Variants in PEX14 observed in about 807,000 individuals in gnomAD.
PEX14 encodes peroxisomal membrane protein PEX14.
A neutral mutation model predicts 49.5 loss-of-function variants in PEX14; 15 were observed. That is an observed-to-expected ratio of 0.30 (90% confidence interval 0.20 to 0.47). The LOEUF (loss-of-function observed/expected upper bound fraction) is 0.47, where lower values mean the gene tolerates loss of function less well. Among genes scored for constraint, PEX14 ranks in the 20% least tolerant of loss-of-function variants. The pLI is 1.00. For missense variants in PEX14, 398 were observed against 494.8 expected, an observed-to-expected ratio of 0.80 and a Z score of 1.86; for synonymous variants, 210 against 212.7, an observed-to-expected ratio of 0.99 and a Z score of 0.11.
chr1:10,555,666 T>TGTGTGTGC (rs1022485382), intron 3 of PEX14, among the ~76,000 whole-genome samples: 9 of 151,436 alleles, frequency 5.9e-5, no homozygotes, highest in African/African-American at 2.2e-4. Context: ...TGTGTGTGTG[T>TGTGTGTGC]GCATGCACCC....
At chr1:10,595,077 G>A (rs1296691526) in intron 3 of PEX14, among the ~76,000 whole-genome samples, 1 of 152,050 alleles carries the variant, frequency 6.6e-6, no homozygotes, top group Non-Finnish European at 1.5e-5. Context: ...GCTTGGCCCA[G>A]CTCCTACACA....
intron 1 of PEX14, among the ~76,000 whole-genome samples, chr1:10,478,941 C>T (rs911576067): frequency 8.6e-5 from 13 of 151,662 alleles, no homozygotes; most frequent in Admixed American, 2.6e-4. Flanking sequence ...TTAGTAGAGA[C>T]GATGTTTCAC....
intron 4 of PEX14, among the ~76,000 whole-genome samples, chr1:10,609,812 G>A (rs1192974372): frequency 6.6e-6 from 1 of 152,076 alleles, no homozygotes; most frequent in Non-Finnish European, 1.5e-5. Context: ...ATGAACCCGG[G>A]AGGCGGAGGT....
Position 10,529,590 on chromosome 1 carries a change from G to C in PEX14, c.85-6623G>C, listed in dbSNP as rs1236153673. On this transcript the variant is annotated intron_variant, in intron 2 of 8. Coordinates refer to ENST00000356607, the MANE Select transcript of PEX14 (RefSeq NM_004565.3). The surrounding 1 kb of genome is among the most constrained non-coding windows in gnomAD (Gnocchi z 4.2). ...GCCAAGGGAAAAAAAATAAATGGCA[G>C]AGATATTTCACTTTGAAAGGTAGTT... 6.6e-6 allele frequency among the ~76,000 whole-genome samples: 1 copy of C among 152,174 alleles called. No individual in the cohort carries two copies. Among genetic ancestry groups the C allele is most frequent in the Admixed American group, 6.5e-5 (1 of 15,276 alleles).
intron 3 of PEX14, among the ~76,000 whole-genome samples, chr1:10,575,576 A>G (rs531430277): frequency 1.4e-4 from 22 of 152,202 alleles, no homozygotes; most frequent in Non-Finnish European, 2.8e-4. Flanking sequence ...AAAATTTACA[A>G]TAAGAAGCCC....
intron 4 of PEX14, among the ~76,000 whole-genome samples, chr1:10,609,660 G>A (rs190434209): frequency 2.1e-4 from 32 of 152,212 alleles, no homozygotes; most frequent in Non-Finnish European, 3.7e-4. Context: ...TGAGGAGGGC[G>A]GATCACCTGA....
chr1:10,596,579 T>A (rs556563687), intron 3 of PEX14, among the ~76,000 whole-genome samples: 1 of 152,180 alleles, frequency 6.6e-6, no homozygotes, highest in East Asian at 1.9e-4. Flanking sequence ...TCTGGTGTAG[T>A]GGAGAGTCAC....
intron 1 of PEX14, among the ~76,000 whole-genome samples, chr1:10,487,906 G>C (rs1641400533): frequency 6.6e-6 from 1 of 151,854 alleles, no homozygotes; most frequent in Non-Finnish European, 1.5e-5. Context: ...TCAGCCTCCT[G>C]AGTAGCTGGG....
intron 2 of PEX14, chr1:10,535,991 G>C: frequency 1.9e-6 from 1 of 534,478 alleles, no homozygotes; most frequent in Non-Finnish European, 3.4e-6. Flanking sequence ...CTCGGCAGAG[G>C]GATTAGATTT....
Position 10,624,318 on chromosome 1 carries a change from C to T in PEX14, c.488-22C>T, listed in dbSNP as rs369045156. 5.0e-5 allele frequency: 77 copies of T among 1,535,856 alleles called. 1 individual carries two copies. The highest frequency in any genetic ancestry group is 3.6e-4 in the East Asian group (16 of 44,564). ...TCTGTGCCTGTGAATTTGCCAGCGC[C>T]GTGACTGCTTTCTCCTCGCAGTGAC... On this transcript the variant is annotated intron_variant, in intron 6 of 8. Coordinates refer to ENST00000356607, the MANE Select transcript of PEX14 (RefSeq NM_004565.3).
In PEX14 at chr1:10,599,361, C is replaced by A. The variant is rs1244057212; in HGVS notation, c.293C>A (p.Pro98Gln). The change falls in exon 4 of 9, where the codon CCA (proline) becomes CAA (glutamine). Residue 98 changes from proline (P) to glutamine (Q), a missense_variant. Physicochemically the swap from Pro to Gln is moderately conservative, Grantham distance 76 (BLOSUM62 -1). Around this residue, in one of 3 missense-constraint regions of PEX14, gnomAD observed 202 missense variants for 298.5 expected, o/e 0.68. Transcript: ENST00000356607. Reference protein sequence around the residue: ...PVQPPHLISQPYSPAGSRWRD... With the variant: ...PVQPPHLISQQYSPAGSRWRD... Reference sequence around the variant, plus strand: ...CAGCCCCCTCACCTCATATCTCAGCCATACAGTAAGTCACCCGCTCAAACT... The same window carrying A: ...CAGCCCCCTCACCTCATATCTCAGCAATACAGTAAGTCACCCGCTCAAACT... The A allele has an allele frequency of 2.5e-6, 4 of 1,614,086 alleles. No homozygotes were observed. The highest frequency in any genetic ancestry group is 3.4e-6 in the Non-Finnish European group (4 of 1,180,024).
chr1:10,539,814 A>C lies in PEX14; in HGVS notation c.169+3517A>C, dbSNP rs150024811. On this transcript the variant is annotated intron_variant, in intron 3 of 8. Transcript: ENST00000356607. The surrounding 1 kb of genome is among the most constrained non-coding windows in gnomAD (Gnocchi z 4.6). ...GCTTCCAAAGATGTTTGGCAGGCTG[A>C]GGATGAGGTGGGTAATAGTGATGCT... 5.4e-4 allele frequency among the ~76,000 whole-genome samples: 69 copies of C among 127,278 alleles called. No individual in the cohort carries two copies. The highest frequency in any genetic ancestry group is 4.8e-3 in the Middle Eastern group (1 of 210). The allele number at this position is 127,278 out of a possible 152,430, so 83.5% of individuals were successfully genotyped here.
At chr1:10,580,921 A>G (rs1640297069) in intron 3 of PEX14, among the ~76,000 whole-genome samples, 1 of 152,200 alleles carries the variant, frequency 6.6e-6, no homozygotes, top group Non-Finnish European at 1.5e-5. Flanking sequence ...TTACAGATGA[A>G]GGACCTGACT....
At chr1:10,488,654 C>T (rs910121064) in intron 1 of PEX14, among the ~76,000 whole-genome samples, 1 of 152,018 alleles carries the variant, frequency 6.6e-6, no homozygotes, top group Non-Finnish European at 1.5e-5. Flanking sequence ...TGCCCGCCAC[C>T]ATGCCTGGCT....
Position 10,526,016 on chromosome 1 carries a change from G to A in PEX14, c.85-10197G>A, listed in dbSNP as rs576483335. Among the ~76,000 whole-genome samples the A allele has an allele frequency of 8.0e-5, 12 of 150,332 alleles. No individual in the cohort carries two copies. The South Asian group carries it at 2.3e-3, about 29-fold the overall frequency. ...GGCTCACTGCAACCTCTGTCTCCCA[G>A]GTTCAAGCGATTCTCCTACCTCGAC... On this transcript the variant is annotated intron_variant, in intron 2 of 8. Coordinates refer to ENST00000356607, the MANE Select transcript of PEX14 (RefSeq NM_004565.3).
At chr1:10,564,251 T>G (rs1173906405) in intron 3 of PEX14, among the ~76,000 whole-genome samples, 1 of 152,148 alleles carries the variant, frequency 6.6e-6, no homozygotes, top group Non-Finnish European at 1.5e-5. Flanking sequence ...TGTTAGACCT[T>G]CTTTCCATGT....
At chr1:10,624,243 G>A (rs1264403177) in intron 6 of PEX14, 97 bp from the exon 7 acceptor site, 7 of 818,704 alleles carry the variant, frequency 8.6e-6, no homozygotes, top group African/African-American at 5.0e-5. Flanking sequence ...AAATTAGATG[G>A]AGCGGGAACA....
intron 3 of PEX14, among the ~76,000 whole-genome samples, chr1:10,575,129 T>C (rs1640085689): frequency 1.3e-5 from 2 of 151,686 alleles, no homozygotes; most frequent in African/African-American, 2.4e-5. Context: ...AATATTAATA[T>C]TAGGCAGATT....
intron 3 of PEX14, among the ~76,000 whole-genome samples, chr1:10,552,391 G>C (rs1157109963): frequency 6.6e-6 from 1 of 152,204 alleles, no homozygotes; most frequent in African/African-American, 2.4e-5. Context: ...ACAGTGATCT[G>C]AGATCACGCC....
Sources: allele counts gnomAD v4.1 joint callset (sites outside exome capture counted in the v4.1 genomes callset), GRCh38; gene constraint gnomAD v4.1.1; regional missense constraint gnomAD v4.1.1; non-coding constraint Gnocchi (gnomAD v3.1); transcripts MANE v1.5; gene names NCBI Gene and HGNC (gene_info 2026-07-23, HGNC 2026-07-21).